Variants in TYR observed in about 807,000 individuals in gnomAD.
TYR encodes the protein LB24-AB.
TYR carries 58 observed loss-of-function variants against 51.5 expected under a neutral mutation model. That is an observed-to-expected ratio of 1.13 (90% CI 0.91 to 1.40). The LOEUF (loss-of-function observed/expected upper bound fraction) is 1.40, where lower values mean the gene tolerates loss of function less well. TYR is among the 40% of genes most tolerant of loss of function. The pLI, the probability that TYR is intolerant of heterozygous loss-of-function variation, is 0.00. For synonymous variants in TYR, 263 were observed against 235.2 expected, an observed-to-expected ratio of 1.12 and a Z score of -1.08; for missense variants, 732 against 647.4, an observed-to-expected ratio of 1.13 and a Z score of -1.42.
chr11:89,194,154 T>G (rs1196530240), intron 2 of TYR, among the ~76,000 whole-genome samples: 1 of 152,216 alleles, frequency 6.6e-6, no homozygotes, highest in Non-Finnish European at 1.5e-5. Flanking sequence ...CATGGTTCTT[T>G]AGTCTGAAAT....
At chr11:89,205,511 A>G in intron 2 of TYR, among the ~76,000 whole-genome samples, 1 of 152,160 alleles carries the variant, frequency 6.6e-6, no homozygotes, top group East Asian at 1.9e-4. Context: ...AATTAATTAT[A>G]TCTTATCTAT....
intron 1 of TYR, among the ~76,000 whole-genome samples, chr11:89,187,890 A>G (rs1425208043): frequency 6.6e-6 from 1 of 151,930 alleles, no homozygotes; most frequent in Non-Finnish European, 1.5e-5. Context: ...GTTTATAAAG[A>G]TTAAATATAT....
At chr11:89,235,438 G>T (rs1474229700) in intron 3 of TYR, among the ~76,000 whole-genome samples, 1 of 151,998 alleles carries the variant, frequency 6.6e-6, no homozygotes, top group Non-Finnish European at 1.5e-5. Flanking sequence ...TCCATAATTG[G>T]GCAAATGGGT....
chr11:89,212,847 T>C (rs574205377), intron 2 of TYR, among the ~76,000 whole-genome samples: 1 of 152,318 alleles, frequency 6.6e-6, no homozygotes, highest in Admixed American at 6.5e-5. Flanking sequence ...ACCACTTGAT[T>C]ATCTCCATAG....
At chr11:89,197,150 G>GA in intron 2 of TYR, among the ~76,000 whole-genome samples, 1 of 152,152 alleles carries the variant, frequency 6.6e-6, no homozygotes, top group South Asian at 2.1e-4. Flanking sequence ...CATATGCAAT[G>GA]ACACAGAGGT....
intron 1 of TYR, among the ~76,000 whole-genome samples, chr11:89,182,786 C>T (rs1443520891): frequency 6.6e-6 from 1 of 151,974 alleles, no homozygotes; most frequent in East Asian, 1.9e-4. Context: ...ATAATTAGAT[C>T]TAATGTTATG....
chr11:89,185,047 A>C (rs952639764), intron 1 of TYR, among the ~76,000 whole-genome samples: 10 of 152,200 alleles, frequency 6.6e-5, no homozygotes, highest in Non-Finnish European at 1.3e-4. Flanking sequence ...AATGTGATGC[A>C]AACAGTTGAC....
chr11:89,222,607 CTT>C (rs1565403203), intron 2 of TYR, among the ~76,000 whole-genome samples: 1 of 152,112 alleles, frequency 6.6e-6, no homozygotes, highest in Non-Finnish European at 1.5e-5. Context: ...GGCATGCTGG[CTT>C]GTGCCTGTAA....
At chr11:89,197,394 T>G (rs929577694) in intron 2 of TYR, among the ~76,000 whole-genome samples, 1 of 152,158 alleles carries the variant, frequency 6.6e-6, no homozygotes, top group Non-Finnish European at 1.5e-5. Context: ...AATCTTCACT[T>G]TTAAAGAGTT....
chr11:89,273,762 A>C (rs1208861761), intron 3 of TYR, among the ~76,000 whole-genome samples: 20 of 151,684 alleles, frequency 1.3e-4, no homozygotes, highest in Non-Finnish European at 2.8e-4. Context: ...TTTTTTTCTC[A>C]CAATTCTGGA....
At chr11:89,251,793 A>G (rs1944333364) in intron 3 of TYR, among the ~76,000 whole-genome samples, 1 of 151,852 alleles carries the variant, frequency 6.6e-6, no homozygotes, top group African/African-American at 2.4e-5. Flanking sequence ...AACGGAAATA[A>G]CATTTTTGAA....
chr11:89,217,313 C>A (rs527508752), intron 2 of TYR, among the ~76,000 whole-genome samples: 4 of 152,120 alleles, frequency 2.6e-5, no homozygotes, highest in African/African-American at 9.6e-5. Flanking sequence ...TGATGTAATC[C>A]AATAAAAATG....
intron 2 of TYR, among the ~76,000 whole-genome samples, chr11:89,210,664 G>T (rs1943742258): frequency 6.6e-6 from 1 of 152,126 alleles, no homozygotes; most frequent in Admixed American, 6.5e-5. Context: ...ACACATAATT[G>T]TCAGATTCAC....
intron 2 of TYR, among the ~76,000 whole-genome samples, chr11:89,198,010 CT>C (rs1943545556): frequency 6.6e-6 from 1 of 152,018 alleles, no homozygotes; most frequent in South Asian, 2.1e-4. Flanking sequence ...CATGCAAGGA[CT>C]TTTTAAGGAG....
intron 3 of TYR, among the ~76,000 whole-genome samples, chr11:89,273,648 C>G (rs533746117): frequency 2.6e-5 from 4 of 151,866 alleles, no homozygotes; most frequent in African/African-American, 9.7e-5. Flanking sequence ...TGCCACAAAC[C>G]TTCAATTCGT....
At chr11:89,229,409 A>G (rs925124870) in intron 3 of TYR, among the ~76,000 whole-genome samples, 6 of 152,046 alleles carry the variant, frequency 3.9e-5, no homozygotes, top group African/African-American at 1.4e-4. Context: ...ACGCTTTTTA[A>G]AGAATCATTT....
intron 3 of TYR, among the ~76,000 whole-genome samples, chr11:89,276,760 T>G (rs1944659676): frequency 6.6e-6 from 1 of 151,734 alleles, no homozygotes; most frequent in South Asian, 2.1e-4. Context: ...CACATCAGAC[T>G]TTGGTAGAAG....
At position 89,226,042 on chromosome 11, in the gene TYR, T is replaced by C. The variant is rs532658413; in HGVS notation, c.1037-1781T>C. 2.0e-5 allele frequency among the ~76,000 whole-genome samples: 3 copies of C among 151,822 alleles called. No individual in the cohort carries two copies. The East Asian group carries it at 5.8e-4, about 29-fold the overall frequency. ...TTCTTTTAAATTAAAAAAATCAGTT[T>C]GGGACCTACTTTAAAAAGTGTGAGA... On this transcript the variant is annotated intron_variant, in intron 2 of 4. Transcript: ENST00000263321.
At chr11:89,284,172 T>TC (rs1944752946) in intron 3 of TYR, among the ~76,000 whole-genome samples, 1 of 151,768 alleles carries the variant, frequency 6.6e-6, no homozygotes, top group South Asian at 2.1e-4. Context: ...CATGAATGAG[T>TC]ATGTCAGATT....
Sources: gnomAD v4.1 joint callset for allele counts (sites outside exome capture counted in the v4.1 genomes callset) on GRCh38, gnomAD v4.1.1 for gene constraint, MANE v1.5 for transcripts, NCBI Gene and HGNC (gene_info 2026-07-23, HGNC 2026-07-21) for gene names.